Variants in CFAP92 observed in about 807,000 individuals in gnomAD.
CFAP92 encodes the protein cilia and flagella associated protein 92 (putative).
Under a neutral mutation model 106.3 loss-of-function variants are expected in CFAP92, and 86 were observed. The observed-to-expected ratio is 0.81, with a 90% CI of 0.68 to 0.97. The LOEUF is 0.97. Ranked by LOEUF, CFAP92 falls within the 50% of genes least tolerant of loss-of-function variation. CFAP92 has a pLI of 0.00. For missense variants in CFAP92, 1,204 were observed against 1,283.8 expected (o/e 0.94, Z 0.95); for synonymous variants, 477 against 506.4 (o/e 0.94, Z 0.78).
the CFAP92 span, among the ~76,000 whole-genome samples, chr3:129,019,883 C>G: frequency 6.6e-6 from 1 of 151,148 alleles, no homozygotes; most frequent in Non-Finnish European, 1.5e-5. Context: ...ATTCTCCTGC[C>G]TCAGCCTCCC....
rs1338041313 is a variant in CFAP92, at chr3:128,988,727, C to T, written c.453+1G>A. On this transcript the variant is annotated splice_donor_variant, in intron 3 of 15. Transcript: ENST00000645291. LOFTEE classifies it high-confidence loss of function. ...AAGGCCACACACACTCACACACGCA[C>T]CTTTACTCCTGACTCCAGGAATACT... is the stretch of plus-strand genomic sequence containing the variant. The T allele has an allele frequency of 1.2e-6, 2 of 1,613,770 alleles. No individual in the cohort carries two copies. The highest frequency in any genetic ancestry group is 1.7e-6 in the Non-Finnish European group (2 of 1,179,794).
intron 12 of CFAP92, among the ~76,000 whole-genome samples, chr3:128,930,764 T>C (rs988922969): frequency 6.6e-6 from 1 of 152,016 alleles, no homozygotes; most frequent in African/African-American, 2.4e-5. Flanking sequence ...TAAAAATAAA[T>C]TTAAAACACT....
rs752239378 is a variant in CFAP92 at position 128,912,614 on chromosome 3, G to C, written c.3281-2281C>G. On this transcript the variant is annotated intron_variant, in intron 15 of 15. Transcript: ENST00000645291. Reference sequence around the variant, plus strand: ...TCTGGACAGGACATGCTGAGGCAGGGGACAGTGTCCCCTGCTACCGCCCGC... The same window carrying C: ...TCTGGACAGGACATGCTGAGGCAGGCGACAGTGTCCCCTGCTACCGCCCGC... The C allele has an allele frequency of 6.2e-7, 1 of 1,612,952 alleles. No homozygotes were observed. The highest frequency in any genetic ancestry group is 1.7e-5 in the Admixed American group (1 of 60,028).
intron 1 of CFAP92, among the ~76,000 whole-genome samples, chr3:128,999,347 G>A (rs1944598782): frequency 6.6e-6 from 1 of 152,124 alleles, no homozygotes; most frequent in South Asian, 2.1e-4. Context: ...GAGCTGTAGG[G>A]GAGTGGAGGC....
At chr3:128,938,236 AAAAG>A (rs137974319) in intron 10 of CFAP92, among the ~76,000 whole-genome samples, 6,284 of 152,076 alleles carry the variant, frequency 0.041, 169 homozygotes, top group Non-Finnish European at 0.058. Context: ...TGTCTCAATA[AAAAG>A]AAAGAAAAAG....
Position 128,935,248 on chromosome 3 carries a change from T to A in CFAP92, c.2330A>T (p.Tyr777Phe). 1 of 1,535,984 alleles carries A rather than the reference T, an allele frequency of 6.5e-7. No individual in the cohort carries two copies. ...GTACAGGATGGCCTCCAGGTCCCCA[T>A]AGAGCCGGCTGCGGAACAGCAGCTG... Reference protein sequence around the residue: ...NSQLLFRSRLYGDLEAILYHV... With the variant: ...NSQLLFRSRLFGDLEAILYHV... The change falls in exon 11 of 16, where the codon TAT becomes TTT. Residue 777 changes from tyrosine (Y) to phenylalanine (F), a missense_variant. By Grantham distance (22) the Tyr-to-Phe change is conservative. Transcript: ENST00000645291.
At chr3:129,015,295 C>G in the CFAP92 span, among the ~76,000 whole-genome samples, 1 of 152,160 alleles carries the variant, frequency 6.6e-6, no homozygotes, top group Non-Finnish European at 1.5e-5. Flanking sequence ...CAGGTCTTGC[C>G]AGACCCCAAC....
chr3:128,953,651 T>A (rs1165191828), intron 9 of CFAP92, among the ~76,000 whole-genome samples: 1 of 106,748 alleles, frequency 9.4e-6, no homozygotes, highest in Non-Finnish European at 1.8e-5. Flanking sequence ...CCCCACGGTC[T>A]CCCTCTCATG....
rs760621783 is a variant in CFAP92, at chr3:128,975,879, G to A, written c.921C>T (p.Thr307=). ...TIQWSVSRTP[T]ISLAGASMME... Reference sequence around the variant, plus strand: ...TCATGCTTGCTCCTGCCAAAGAAATGGTTGGTGTTCTTGAAACACTCCATC... The same window carrying A: ...TCATGCTTGCTCCTGCCAAAGAAATAGTTGGTGTTCTTGAAACACTCCATC... The change falls in exon 7 of 16, where the codon ACC becomes ACT. Residue 307 remains threonine, a synonymous_variant. Transcript: ENST00000645291. The A allele has an allele frequency of 1.2e-5, 20 of 1,608,886 alleles. No individual in the cohort carries two copies. The highest frequency in any genetic ancestry group is 1.7e-5 in the Non-Finnish European group (20 of 1,178,020).
At chr3:129,012,309 G>A in the CFAP92 span, among the ~76,000 whole-genome samples, 2 of 152,142 alleles carry the variant, frequency 1.3e-5, no homozygotes, top group African/African-American at 2.4e-5. Context: ...CACATAATAA[G>A]CCCTCCTTAA....
intron 1 of CFAP92, among the ~76,000 whole-genome samples, chr3:128,999,832 C>G (rs527514698): frequency 6.6e-6 from 1 of 152,078 alleles, no homozygotes; most frequent in African/African-American, 2.4e-5. Flanking sequence ...CGTGAGCCAC[C>G]GCGACCGGCC....
chr3:128,925,031 T>C (rs1937559266), intron 12 of CFAP92, among the ~76,000 whole-genome samples: 2 of 152,244 alleles, frequency 1.3e-5, no homozygotes, highest in Admixed American at 1.3e-4. Flanking sequence ...TTGACTCCGC[T>C]GGACTTTGTG....
At chr3:128,928,847 AAAG>A (rs1938004792) in intron 12 of CFAP92, among the ~76,000 whole-genome samples, 1 of 152,160 alleles carries the variant, frequency 6.6e-6, no homozygotes, top group African/African-American at 2.4e-5. Flanking sequence ...TTAAGAAAAA[AAAG>A]AAAAGCCACA....
intron 9 of CFAP92, among the ~76,000 whole-genome samples, chr3:128,949,663 G>A (rs1246368333): frequency 6.6e-6 from 1 of 152,190 alleles, no homozygotes; most frequent in African/African-American, 2.4e-5. Flanking sequence ...AACTGTAGTG[G>A]TGATAATATT....
the CFAP92 span, among the ~76,000 whole-genome samples, chr3:129,010,335 A>G: frequency 6.6e-6 from 1 of 152,156 alleles, no homozygotes. The surrounding 1 kb of genome is among the most constrained non-coding windows in gnomAD (Gnocchi z 4.3). Flanking sequence ...GGCCTTCAGG[A>G]CACCGGGGCA....
chr3:128,923,994 T>C (rs904574222), intron 12 of CFAP92, among the ~76,000 whole-genome samples: 3 of 152,206 alleles, frequency 2.0e-5, no homozygotes, highest in African/African-American at 7.2e-5. Flanking sequence ...GATTTTGTTC[T>C]AATAATTATG....
intron 15 of CFAP92, among the ~76,000 whole-genome samples, chr3:128,912,165 C>T (rs918075261): frequency 4.6e-5 from 7 of 152,304 alleles, no homozygotes; most frequent in Admixed American, 1.3e-4. Context: ...GACACCCCCC[C>T]AGTGCTGACA....
At chr3:128,913,393 A>G (rs1337832168) in intron 15 of CFAP92, among the ~76,000 whole-genome samples, 3 of 152,000 alleles carry the variant, frequency 2.0e-5, no homozygotes, top group Non-Finnish European at 4.4e-5. Flanking sequence ...ACTGGCTTCT[A>G]CTCTTGAGGA....
chr3:129,010,682 G>A, the CFAP92 span, among the ~76,000 whole-genome samples: 232 of 152,322 alleles, frequency 1.5e-3, 4 homozygotes, highest in Middle Eastern at 3.4e-3. This position sits in a 1 kb window ranked among gnomAD's most constrained non-coding sequence, Gnocchi z 4.3. Context: ...TGGGAGGGAG[G>A]CAGATGAGTG....
Sources: allele counts gnomAD v4.1 joint callset (sites outside exome capture counted in the v4.1 genomes callset), GRCh38; gene constraint gnomAD v4.1.1; non-coding constraint Gnocchi (gnomAD v3.1); transcripts MANE v1.5; gene names NCBI Gene and HGNC (gene_info 2026-07-23, HGNC 2026-07-21).